Variants in ANKHD1 observed in about 807,000 individuals in gnomAD.
ANKHD1 encodes the protein ankyrin repeat and KH domain-containing protein 1.
Under a neutral mutation model 230.5 loss-of-function variants are expected in ANKHD1, and 31 were observed. The observed-to-expected ratio is 0.13, with a 90% confidence interval of 0.10 to 0.18. ANKHD1 has a LOEUF of 0.18. Ranked by LOEUF, ANKHD1 falls within the 10% of genes least tolerant of loss-of-function variation. The probability of loss-of-function intolerance (pLI) is 1.00; values close to 1 mark genes in which losing one functional copy is unlikely to be tolerated. For synonymous variants in ANKHD1, 1,074 were observed against 1,117.6 expected (o/e 0.96, Z 0.78); for missense variants, 2,256 against 3,071.3 (o/e 0.73, Z 6.27).
chr5:140,411,059 CATT>C, intron 1 of ANKHD1, among the ~76,000 whole-genome samples: 1 of 152,074 alleles, frequency 6.6e-6, no homozygotes, highest in East Asian at 1.9e-4. Context: ...TTAAATAAAT[CATT>C]GTTTAGTTCC....
In ANKHD1 at chr5:140,464,712, C is replaced by A; in HGVS notation, c.1718C>A (p.Thr573Asn). The change falls in exon 10 of 34, where the codon ACC (threonine) becomes AAC (asparagine). Residue 573 changes from threonine to asparagine, a missense_variant. Transcript: ENST00000360839. The part of the protein sequence containing the change: ...ATTATGDTAL[T>N]YACENGHTDV... ...ACAGCAACAGGAGACACAGCCTTAA[C>A]CTATGCTTGTGAAAATGGACATACG... The A allele has an allele frequency of 6.2e-7, 1 of 1,607,818 alleles. No individual in the cohort carries two copies. The highest frequency in any genetic ancestry group is 8.5e-7 in the Non-Finnish European group (1 of 1,175,388).
rs768720991 is a variant in ANKHD1 at position 140,505,139 on chromosome 5, C to T, written c.3168C>T (p.Asp1056=). The T allele has an allele frequency of 2.0e-5, 33 of 1,613,798 alleles. No homozygotes were observed. The highest frequency in any genetic ancestry group is 2.6e-5 in the Non-Finnish European group (31 of 1,179,984). ...TCTCCTAGACTGAGAGCAATCATGA[C>T]ACAGCATTAACACTAGCTTGTGCAG... ...DIDAHTESNH[D]TALTLACAGG... Residue 1056 remains aspartate, a synonymous_variant, in exon 17 of 34, where the codon GAC becomes GAT. Coordinates refer to ENST00000360839, the MANE Select transcript of ANKHD1 (RefSeq NM_017747.3).
At chr5:140,454,890 C>T (rs557332337) in intron 7 of ANKHD1, among the ~76,000 whole-genome samples, 18 of 151,724 alleles carry the variant, frequency 1.2e-4, no homozygotes, top group Non-Finnish European at 2.4e-4. Flanking sequence ...GATAGAGACA[C>T]AAAAAAACCC....
Position 140,506,471 on chromosome 5 carries a change from T to C in ANKHD1, c.3409-364T>C, listed in dbSNP as rs1246061475. On this transcript the variant is annotated intron_variant, in intron 18 of 33. Coordinates refer to ENST00000360839, the MANE Select transcript of ANKHD1 (RefSeq NM_017747.3). The surrounding 1 kb of genome is among the most constrained non-coding windows in gnomAD (Gnocchi z 4.7). ...CCACCATGCCTGGCCATAAATCCCC[T>C]TTTAAAAAATCTGTTTCTTGCCCTT... 6.6e-6 allele frequency among the ~76,000 whole-genome samples: 1 copy of C among 152,220 alleles called. No homozygotes were observed. Among genetic ancestry groups the C allele is most frequent in the Non-Finnish European group, 1.5e-5 (1 of 68,046 alleles).
Position 140,505,754 on chromosome 5 carries a change from C to T in ANKHD1, c.3293C>T (p.Ala1098Val). The change falls in exon 18 of 34, where the codon GCA (alanine) becomes GTA (valine). Residue 1098 changes from alanine (A) to valine (V), a missense_variant. By Grantham distance (64) the Ala-to-Val change is moderately conservative (BLOSUM62 0). Transcript: ENST00000360839. Reference sequence around the variant, plus strand: ...ACACCACTAATCCTGGCAGCAACAGCAGGGCATGTTGGAGTTGTTGAAATC... The same window carrying T: ...ACACCACTAATCCTGGCAGCAACAGTAGGGCATGTTGGAGTTGTTGAAATC... ...GFTPLILAAT[A>V]GHVGVVEILL... 1.2e-6 allele frequency: 2 copies of T among 1,611,010 alleles called. No individual in the cohort carries two copies. The highest frequency in any genetic ancestry group is 1.7e-6 in the Non-Finnish European group (2 of 1,179,164).
intron 1 of ANKHD1, among the ~76,000 whole-genome samples, chr5:140,428,806 G>T (rs966306772): frequency 6.6e-6 from 1 of 151,150 alleles, no homozygotes; most frequent in Admixed American, 6.6e-5. Flanking sequence ...TTATTGAGAC[G>T]GAGTCTTGCT....
At chr5:140,532,890 A>G in intron 29 of ANKHD1, 1 of 346,448 alleles carries the variant, frequency 2.9e-6, no homozygotes, top group Non-Finnish European at 5.8e-6. Context: ...TGAAGTCAGG[A>G]GTTCAAGACC....
intron 24 of ANKHD1, among the ~76,000 whole-genome samples, chr5:140,522,272 A>C (rs1753385470): frequency 6.6e-6 from 1 of 152,216 alleles, no homozygotes; most frequent in South Asian, 2.1e-4. Flanking sequence ...AAATTCATCC[A>C]TGTTATAGCC....
At position 140,507,363 on chromosome 5, in the gene ANKHD1, A is replaced by C. The variant is rs1456338943; in HGVS notation, c.3551+386A>C. On this transcript the variant is annotated intron_variant, in intron 19 of 33. Coordinates refer to ENST00000360839, the MANE Select transcript of ANKHD1 (RefSeq NM_017747.3). The surrounding 1 kb of genome is among the most constrained non-coding windows in gnomAD (Gnocchi z 4.1). ...GCTCTTGTTGCCCAGGCTGGAATGC[A>C]ATGGCGCGATCTTGGCTTACCGCGA... Among the ~76,000 whole-genome samples the C allele has an allele frequency of 6.6e-6, 1 of 152,220 alleles. No homozygotes were observed. The highest frequency in any genetic ancestry group is 1.5e-5 in the Non-Finnish European group (1 of 68,034).
intron 2 of ANKHD1, among the ~76,000 whole-genome samples, chr5:140,437,014 C>T (rs757514340): frequency 7.2e-5 from 11 of 152,064 alleles, no homozygotes; most frequent in Non-Finnish European, 1.3e-4. Context: ...AAAACCTTCC[C>T]GTTTTCTGTC....
At chr5:140,408,936 T>C (rs1209496709) in intron 1 of ANKHD1, among the ~76,000 whole-genome samples, 2 of 152,190 alleles carry the variant, frequency 1.3e-5, no homozygotes, top group Admixed American at 6.6e-5. Context: ...GAGCAACATA[T>C]AGACATTTTG....
At chr5:140,533,157 A>G (rs908174879) in intron 29 of ANKHD1, among the ~76,000 whole-genome samples, 2 of 152,046 alleles carry the variant, frequency 1.3e-5, no homozygotes, top group Admixed American at 1.3e-4. Flanking sequence ...CTGTAAAAAT[A>G]TTGACAGTGG....
Position 140,441,068 on chromosome 5 carries a change from C to G in ANKHD1, c.839C>G (p.Ser280Cys). ...GACATAACTCCCCTGATGGCAGCTT[C>G]CAGTGGAGGTTACTTAGATATTGTG... is the stretch of plus-strand genomic sequence containing the variant. ...KGDITPLMAA[S>C]SGGYLDIVKL... is the part of the protein sequence containing the mutation. Residue 280 changes from serine (S) to cysteine (C), a missense_variant, in exon 5 of 34, where the codon TCC (serine) becomes TGC (cysteine). Ser to Cys is a moderately radical substitution (Grantham distance 112). Transcript: ENST00000360839. The G allele has an allele frequency of 6.2e-7, 1 of 1,611,772 alleles. No homozygotes were observed. The highest frequency in any genetic ancestry group is 8.5e-7 in the Non-Finnish European group (1 of 1,179,208).
chr5:140,488,551 A>G (rs1390906878), intron 14 of ANKHD1, among the ~76,000 whole-genome samples: 1 of 151,258 alleles, frequency 6.6e-6, no homozygotes, highest in Non-Finnish European at 1.5e-5. Context: ...AGGCCATTGC[A>G]TTCCAGCCTG....
At chr5:140,477,532 C>G (rs959203320) in intron 10 of ANKHD1, among the ~76,000 whole-genome samples, 65 of 152,210 alleles carry the variant, frequency 4.3e-4, no homozygotes, top group African/African-American at 1.5e-3. Flanking sequence ...GGACTACATT[C>G]TCTGATCTCT....
chr5:140,481,431 T>C (rs1751270499), intron 10 of ANKHD1, among the ~76,000 whole-genome samples: 1 of 152,056 alleles, frequency 6.6e-6, no homozygotes, highest in Non-Finnish European at 1.5e-5. Flanking sequence ...AATTAAAAAG[T>C]CAAAGCATAA....
intron 1 of ANKHD1, among the ~76,000 whole-genome samples, chr5:140,406,303 G>T (rs1282346592): frequency 1.3e-5 from 2 of 152,078 alleles, no homozygotes; most frequent in African/African-American, 4.8e-5. Flanking sequence ...TGATGAATTG[G>T]TGTGTAGTTT....
At chr5:140,466,947 A>G (rs1370084294) in intron 10 of ANKHD1, among the ~76,000 whole-genome samples, 3 of 152,156 alleles carry the variant, frequency 2.0e-5, no homozygotes, top group Non-Finnish European at 1.5e-5. Flanking sequence ...AGAAAAAAAA[A>G]AAAGGCTCAG....
chr5:140,487,748 TAAAG>T (rs908375783), intron 14 of ANKHD1, among the ~76,000 whole-genome samples: 6 of 152,136 alleles, frequency 3.9e-5, no homozygotes, highest in African/African-American at 1.4e-4. Flanking sequence ...TTTTCTGAAA[TAAAG>T]AAAATAGTTA....
Sources: allele counts gnomAD v4.1 joint callset (sites outside exome capture counted in the v4.1 genomes callset), GRCh38; gene constraint gnomAD v4.1.1; non-coding constraint Gnocchi (gnomAD v3.1); transcripts MANE v1.5; gene names NCBI Gene and HGNC (gene_info 2026-07-23, HGNC 2026-07-21).